The following FGGY variants were observed in gnomAD, a reference collection of about 807,000 sequenced individuals.
FGGY encodes FGGY carbohydrate kinase domain-containing protein.
FGGY carries 72 observed loss-of-function variants against 71.3 expected under a neutral mutation model. The observed-to-expected ratio is 1.01, with a 90% CI of 0.84 to 1.23. The LOEUF is 1.23. Among genes scored for constraint, FGGY ranks in the 50% most tolerant of loss-of-function variants. The probability of loss-of-function intolerance (pLI) is 0.00; values close to 1 mark genes in which losing one functional copy is unlikely to be tolerated. For synonymous variants in FGGY, 251 were observed against 250.3 expected (o/e 1.00, Z -0.02); for missense variants, 668 against 682.3 (o/e 0.98, Z 0.23).
intron 8 of FGGY, among the ~76,000 whole-genome samples, chr1:59,599,751 C>T (rs1203905614): frequency 1.3e-5 from 2 of 151,348 alleles, no homozygotes; most frequent in African/African-American, 2.4e-5. Context: ...AGGGAGTGCC[C>T]TCTAATCAGT....
intron 6 of FGGY, among the ~76,000 whole-genome samples, chr1:59,499,252 G>A (rs1258227494): frequency 6.7e-6 from 1 of 148,572 alleles, no homozygotes; most frequent in Non-Finnish European, 1.5e-5. Flanking sequence ...ACCCCCAGTG[G>A]ATGCCTAAAA....
intron 3 of FGGY, among the ~76,000 whole-genome samples, chr1:59,345,970 A>G (rs938152888): frequency 6.6e-6 from 1 of 152,204 alleles, no homozygotes; most frequent in African/African-American, 2.4e-5. Context: ...TTGAGAGAGA[A>G]TACTTGATAA....
intron 14 of FGGY, among the ~76,000 whole-genome samples, chr1:59,749,877 A>G (rs1022627436): frequency 2.0e-5 from 3 of 152,228 alleles, no homozygotes; most frequent in Non-Finnish European, 2.9e-5. Flanking sequence ...GTAAAAATCC[A>G]GTTTCAAATT....
At chr1:59,744,292 C>T (rs1288111968) in intron 14 of FGGY, among the ~76,000 whole-genome samples, 2 of 152,220 alleles carry the variant, frequency 1.3e-5, no homozygotes, top group African/African-American at 4.8e-5. Context: ...ACGATCTCGG[C>T]TCACTGCAAC....
chr1:59,515,634 G>A (rs1005828325), intron 7 of FGGY, among the ~76,000 whole-genome samples: 3 of 152,218 alleles, frequency 2.0e-5, no homozygotes, highest in African/African-American at 7.2e-5. Context: ...ATAAGGGCCA[G>A]TCTTTCCCAT....
chr1:59,554,448 G>C (rs1438823151), intron 8 of FGGY, among the ~76,000 whole-genome samples: 1 of 152,154 alleles, frequency 6.6e-6, no homozygotes, highest in Non-Finnish European at 1.5e-5. Flanking sequence ...GCATGAAAAG[G>C]ATTGAGTGCT....
At chr1:59,536,254 A>T (rs1416667626) in intron 7 of FGGY, among the ~76,000 whole-genome samples, 1 of 152,160 alleles carries the variant, frequency 6.6e-6, no homozygotes, top group Non-Finnish European at 1.5e-5. Flanking sequence ...TCCTCGACAC[A>T]TACACTTTCC....
At chr1:59,690,413 GA>G (rs902154216) in intron 14 of FGGY, among the ~76,000 whole-genome samples, 10 of 152,188 alleles carry the variant, frequency 6.6e-5, no homozygotes, top group African/African-American at 2.2e-4. Flanking sequence ...GGTAAAAGGT[GA>G]AGCTCAGATA....
At chr1:59,685,277 G>T (rs967848658) in intron 14 of FGGY, among the ~76,000 whole-genome samples, 2 of 151,998 alleles carry the variant, frequency 1.3e-5, no homozygotes, top group African/African-American at 2.4e-5. Flanking sequence ...CTACAGCTGT[G>T]GTGACCCTTT....
Position 59,461,746 on chromosome 1 carries a change from G to C in FGGY, c.670+4670G>C, listed in dbSNP as rs138072138. 4.5e-3 allele frequency among the ~76,000 whole-genome samples: 681 copies of C among 152,252 alleles called. 4 individuals carry two copies. The highest frequency in any genetic ancestry group is 0.015 in the African/African-American group (638 of 41,542). On this transcript the variant is annotated intron_variant, in intron 6 of 15. Transcript: ENST00000303721. The stretch of plus-strand genomic sequence containing the variant: ...AGCAGAAACTCTACCAGCCAGAAGA[G>C]AGTGGAGGCCAATATTCAACATTCT...
intron 5 of FGGY, among the ~76,000 whole-genome samples, chr1:59,422,651 T>C (rs991479817): frequency 2.0e-5 from 3 of 150,764 alleles, no homozygotes; most frequent in Admixed American, 6.6e-5. Flanking sequence ...GCTGTGATCA[T>C]GCGCTGCACT....
chr1:59,332,503 A>C (rs955981524), intron 2 of FGGY, among the ~76,000 whole-genome samples: 1 of 152,060 alleles, frequency 6.6e-6, no homozygotes, highest in Non-Finnish European at 1.5e-5. Flanking sequence ...GGGAATGGCG[A>C]TGTTCCTCAG....
intron 8 of FGGY, among the ~76,000 whole-genome samples, chr1:59,604,086 ATTG>A (rs949975629): frequency 1.3e-5 from 2 of 152,172 alleles, no homozygotes; most frequent in African/African-American, 2.4e-5. Flanking sequence ...AGTCTCAACT[ATTG>A]TTGTTGTTGC....
intron 12 of FGGY, among the ~76,000 whole-genome samples, chr1:59,667,059 A>AT (rs934523619): frequency 6.6e-6 from 1 of 152,190 alleles, no homozygotes; most frequent in Non-Finnish European, 1.5e-5. Flanking sequence ...AAATGGTGTA[A>AT]TTAAGAGGGT....
At chr1:59,537,737 G>A (rs1283264020) in intron 7 of FGGY, among the ~76,000 whole-genome samples, 1 of 151,932 alleles carries the variant, frequency 6.6e-6, no homozygotes, top group Non-Finnish European at 1.5e-5. Flanking sequence ...AGAAAAACAA[G>A]CAATGGGGAA....
intron 14 of FGGY, among the ~76,000 whole-genome samples, chr1:59,692,744 A>G (rs1343640870): frequency 1.3e-5 from 2 of 152,206 alleles, no homozygotes; most frequent in Non-Finnish European, 2.9e-5. Flanking sequence ...ATAATAAACT[A>G]TCACCATAGC....
chr1:59,613,691 A>C (rs2096716791), intron 9 of FGGY, among the ~76,000 whole-genome samples: 1 of 152,208 alleles, frequency 6.6e-6, no homozygotes, highest in Non-Finnish European at 1.5e-5. Context: ...ACCCTTCAAA[A>C]AATCGATGCA....
At chr1:59,759,985 C>G (rs981985038) in intron 15 of FGGY, among the ~76,000 whole-genome samples, 1 of 152,160 alleles carries the variant, frequency 6.6e-6, no homozygotes, top group Non-Finnish European at 1.5e-5. Context: ...TTGAAAGACA[C>G]TATCAACAGA....
intron 6 of FGGY, among the ~76,000 whole-genome samples, chr1:59,473,383 A>G (rs1403031394): frequency 1.3e-5 from 2 of 152,202 alleles, no homozygotes; most frequent in African/African-American, 4.8e-5. Flanking sequence ...GAACATCAGA[A>G]GGAACAAACT....
Sources: allele counts gnomAD v4.1 joint callset (sites outside exome capture counted in the v4.1 genomes callset), GRCh38; gene constraint gnomAD v4.1.1; transcripts MANE v1.5; gene names NCBI Gene and HGNC (gene_info 2026-07-23, HGNC 2026-07-21).